GRIK1: variants seen among roughly 807,000 people sequenced by gnomAD.
The protein encoded by GRIK1 is glutamate ionotropic receptor kainate type subunit 1, also known as glutamate receptor ionotropic, kainate 1.
Under a neutral mutation model 105.7 loss-of-function variants are expected in GRIK1, and 69 were observed. The observed-to-expected ratio is 0.65, with a 90% CI of 0.54 to 0.80. The LOEUF (loss-of-function observed/expected upper bound fraction) is 0.80. Ranked by LOEUF, GRIK1 falls within the 30% of genes least tolerant of loss-of-function variation. GRIK1 has a pLI of 0.00. For synonymous variants in GRIK1, 438 were observed against 431.3 expected (o/e 1.02, Z -0.19); for missense variants, 1,109 against 1,167.3 (o/e 0.95, Z 0.73).
At chr21:29,838,909 A>G (rs1374195805) in intron 1 of GRIK1, among the ~76,000 whole-genome samples, 1 of 152,222 alleles carries the variant, frequency 6.6e-6, no homozygotes, top group Non-Finnish European at 1.5e-5. Context: ...AATTGTATGA[A>G]GGAATCTGAC....
intron 1 of GRIK1, among the ~76,000 whole-genome samples, chr21:29,917,008 T>C (rs2071022555): frequency 6.6e-6 from 1 of 151,978 alleles, no homozygotes; most frequent in African/African-American, 2.4e-5. Context: ...GAAAAAGTAA[T>C]GACGTTTATG....
intron 6 of GRIK1, among the ~76,000 whole-genome samples, chr21:29,645,546 G>T (rs1349349999): frequency 1.3e-5 from 2 of 152,090 alleles, no homozygotes; most frequent in African/African-American, 4.8e-5. Context: ...TCTAATTTGT[G>T]CCCTTCAACC....
At chr21:29,792,714 A>G (rs2066453096) in intron 1 of GRIK1, among the ~76,000 whole-genome samples, 2 of 152,212 alleles carry the variant, frequency 1.3e-5, no homozygotes, top group Admixed American at 6.5e-5. Context: ...TTCCGAAGGC[A>G]TGGTGTGGAC....
At position 29,560,405 on chromosome 21, in the gene GRIK1, CTTT is replaced by C. The variant is rs1568814316; in HGVS notation, c.2356+1216_2356+1218del. 5.9e-3 allele frequency among the ~76,000 whole-genome samples: 611 copies of C among 103,848 alleles called. 90 individuals are homozygous for C. Among genetic ancestry groups the C allele is most frequent in the African/African-American group, 0.026 (556 of 21,366 alleles). The allele number at this position is 103,848 out of a possible 152,430, so 68.1% of individuals were successfully genotyped here. On this transcript the variant is annotated intron_variant, in intron 15 of 17. Coordinates refer to ENST00000327783, the MANE Select transcript of GRIK1 (RefSeq NM_001330994.2). ...CCTTCCTTCCTTCCTTCCTTCCTTT[CTTT>C]CTTTCTTTCTTTCTTTCTTTCTTTC...
chr21:29,816,480 C>A (rs2067157796), intron 1 of GRIK1, among the ~76,000 whole-genome samples: 1 of 151,882 alleles, frequency 6.6e-6, no homozygotes, highest in African/African-American at 2.4e-5. Flanking sequence ...CAGCATGTCA[C>A]CTGCACTTCC....
chr21:29,763,061 A>G (rs140365729), intron 1 of GRIK1, among the ~76,000 whole-genome samples: 213 of 152,228 alleles, frequency 1.4e-3, no homozygotes, highest in African/African-American at 5.0e-3. Context: ...GGGGACTGAT[A>G]TGGTTTGACT....
At chr21:29,645,880 C>T (rs924176279) in intron 6 of GRIK1, among the ~76,000 whole-genome samples, 1 of 152,146 alleles carries the variant, frequency 6.6e-6, no homozygotes, top group African/African-American at 2.4e-5. Flanking sequence ...ACAATCTGAA[C>T]CATGAAATAA....
intron 7 of GRIK1, among the ~76,000 whole-genome samples, chr21:29,633,604 T>C (rs980280240): frequency 5.9e-5 from 9 of 152,128 alleles, no homozygotes; most frequent in African/African-American, 2.2e-4. Context: ...AACTAAGATG[T>C]TTATATATAA....
intron 1 of GRIK1, among the ~76,000 whole-genome samples, chr21:29,828,022 TGTGTGTGTGTGTGG>T (rs1443966329): frequency 6.6e-6 from 1 of 151,732 alleles, no homozygotes; most frequent in Non-Finnish European, 1.5e-5. Flanking sequence ...TGTGTGTGTG[TGTGTGTGTGTGTGG>T]GTGTGTGTCT....
intron 4 of GRIK1, among the ~76,000 whole-genome samples, chr21:29,667,499 A>C (rs1389224754): frequency 6.6e-6 from 1 of 152,234 alleles, no homozygotes; most frequent in Non-Finnish European, 1.5e-5. Flanking sequence ...GCAAATGTTG[A>C]CAGGAGAAAA....
chr21:29,553,737 G>A, intron 16 of GRIK1: 1 of 1,416,492 alleles, frequency 7.1e-7, no homozygotes, highest in South Asian at 1.4e-5. Context: ...AAAAAATATA[G>A]AAAAATGAAT....
chr21:29,555,044 T>C lies in GRIK1; in HGVS notation c.2607+8A>G, dbSNP rs368324081. 4.4e-6 allele frequency: 7 copies of C among 1,604,082 alleles called. No homozygotes were observed. The highest frequency in any genetic ancestry group is 1.3e-5 in the African/African-American group (1 of 74,666). On this transcript the variant is annotated splice_region_variant and intron_variant, in intron 16 of 17. Coordinates refer to ENST00000327783, the MANE Select transcript of GRIK1 (RefSeq NM_001330994.2). Reference sequence around the variant, plus strand: ...TAAACTAACCAGTCCTAGAAAGAGATGACTCACCTGTTCAATATCATTATT... The same window carrying C: ...TAAACTAACCAGTCCTAGAAAGAGACGACTCACCTGTTCAATATCATTATT...
At chr21:29,762,073 AGT>A (rs2065541052) in intron 1 of GRIK1, among the ~76,000 whole-genome samples, 1 of 152,238 alleles carries the variant, frequency 6.6e-6, no homozygotes, top group South Asian at 2.1e-4. Flanking sequence ...CACAAAATAA[AGT>A]AAAGCTGTGC....
intron 16 of GRIK1, among the ~76,000 whole-genome samples, chr21:29,542,504 CAGGGGAAAATAACAA>C (rs2089988029): frequency 1.3e-5 from 2 of 152,056 alleles, no homozygotes; most frequent in South Asian, 4.1e-4. Context: ...AAGAATGATT[CAGGGGAAAATAACAA>C]TTTTTTTAAG....
intron 7 of GRIK1, among the ~76,000 whole-genome samples, chr21:29,614,305 C>A (rs1351192286): frequency 6.7e-6 from 1 of 148,636 alleles, no homozygotes; most frequent in East Asian, 2.0e-4. Context: ...AGCATGGCAA[C>A]AATAAACAGT....
chr21:29,710,408 A>G (rs1167620450), intron 1 of GRIK1, among the ~76,000 whole-genome samples: 1 of 151,900 alleles, frequency 6.6e-6, no homozygotes, highest in Non-Finnish European at 1.5e-5. Flanking sequence ...ATAGTTTTCT[A>G]TCCTGTCCTG....
chr21:29,580,055 ATATATATATGTG>A (rs1303478238), intron 13 of GRIK1, among the ~76,000 whole-genome samples: 1 of 132,880 alleles, frequency 7.5e-6, no homozygotes, highest in South Asian at 2.2e-4. Flanking sequence ...GTATATATGT[ATATATATATGTG>A]TATATATATG....
intron 1 of GRIK1, among the ~76,000 whole-genome samples, chr21:29,815,749 C>A (rs141356424): frequency 8.5e-5 from 13 of 152,182 alleles, no homozygotes; most frequent in African/African-American, 3.1e-4. Flanking sequence ...TACTCAACAA[C>A]TATCACCGGT....
At chr21:29,607,553 T>C (rs1342929299) in intron 7 of GRIK1, among the ~76,000 whole-genome samples, 4 of 152,190 alleles carry the variant, frequency 2.6e-5, no homozygotes, top group African/African-American at 4.8e-5. Flanking sequence ...ATACATTGTA[T>C]TGCTACCCTT....
Sources: gnomAD v4.1 joint callset for allele counts (sites outside exome capture counted in the v4.1 genomes callset) on GRCh38, gnomAD v4.1.1 for gene constraint, MANE v1.5 for transcripts, NCBI Gene and HGNC (gene_info 2026-07-23, HGNC 2026-07-21) for gene names.